The following CSMD2 variants were observed in gnomAD, a reference collection of about 807,000 sequenced individuals.
The protein encoded by CSMD2 is CUB and Sushi multiple domains 2.
A neutral mutation model predicts 398.5 loss-of-function variants in CSMD2; 130 were observed. That is an observed-to-expected ratio of 0.33 (90% CI 0.28 to 0.38). The LOEUF (loss-of-function observed/expected upper bound fraction) is 0.38, where lower values mean the gene tolerates loss of function less well. Ranked by LOEUF, CSMD2 falls within the 10% of genes least tolerant of loss-of-function variation. The probability of loss-of-function intolerance (pLI) is 1.00; values close to 1 mark genes in which losing one functional copy is unlikely to be tolerated. For missense variants in CSMD2, 3,829 were observed against 4,764.9 expected, an observed-to-expected ratio of 0.80 and a Z score of 5.78; for synonymous variants, 1,828 against 1,908.5, an observed-to-expected ratio of 0.96 and a Z score of 1.10.
At chr1:33,622,373 C>A in intron 36 of CSMD2, 102 bp from the exon 37 acceptor site, 1 of 793,348 alleles carries the variant, frequency 1.3e-6, no homozygotes, top group South Asian at 1.5e-5. Context: ...ACATTCTGCT[C>A]CCAAGGCCCC....
chr1:33,580,295 T>G (rs2148723467), intron 48 of CSMD2, among the ~76,000 whole-genome samples: 1 of 152,302 alleles, frequency 6.6e-6, no homozygotes, highest in East Asian at 1.9e-4. Context: ...CCTTATAGAT[T>G]GTTGCCTGGG....
intron 4 of CSMD2, among the ~76,000 whole-genome samples, chr1:33,933,240 G>A (rs562875986): frequency 6.6e-6 from 1 of 152,286 alleles, no homozygotes; most frequent in South Asian, 2.1e-4. Context: ...AACCTAAGTT[G>A]GCAGAGCAGA....
intron 13 of CSMD2, among the ~76,000 whole-genome samples, chr1:33,768,474 C>T (rs1650814653): frequency 6.6e-6 from 1 of 151,872 alleles, no homozygotes; most frequent in African/African-American, 2.4e-5. Context: ...AGTAATGGTC[C>T]ATGGGAGAGA....
intron 1 of CSMD2, among the ~76,000 whole-genome samples, chr1:34,121,948 A>G (rs1374599458): frequency 6.6e-6 from 1 of 151,420 alleles, no homozygotes; most frequent in Non-Finnish European, 1.5e-5. Context: ...TTGGATATAC[A>G]ATAGGGTTAG....
chr1:33,754,568 A>C (rs1216246000), intron 13 of CSMD2, among the ~76,000 whole-genome samples: 1 of 152,242 alleles, frequency 6.6e-6, no homozygotes, highest in African/African-American at 2.4e-5. Context: ...ATAAAGGAAG[A>C]GCATAGGAAA....
intron 46 of CSMD2, among the ~76,000 whole-genome samples, 158 bp downstream of exon 46, chr1:33,586,346 A>C (rs1428326046): frequency 1.3e-5 from 2 of 152,196 alleles, no homozygotes; most frequent in Non-Finnish European, 1.5e-5. Flanking sequence ...CTCATTCCTC[A>C]TGCACTTACT....
chr1:33,645,535 T>C (rs1178562117), intron 29 of CSMD2, among the ~76,000 whole-genome samples: 1 of 152,162 alleles, frequency 6.6e-6, no homozygotes, highest in Non-Finnish European at 1.5e-5. Context: ...AGCTGGGATT[T>C]AGATAATGGG....
Position 33,540,605 on chromosome 1 carries a change from T to C in CSMD2, c.9551A>G (p.Glu3184Gly). ...WGSSVTYACL[E>G]GYQLSLPAVF... ...CGCGGGCAGGGAGAGCTGGTACCCC[T>C]CCAGGCAGGCATAAGTCACACTTGA... The change falls in exon 60 of 71, where the codon GAG becomes GGG. Residue 3184 changes from glutamate to glycine, a missense_variant. Transcript: ENST00000373381. 6.2e-7 allele frequency: 1 copy of C among 1,614,162 alleles called. No individual in the cohort carries two copies. Among genetic ancestry groups the C allele is most frequent in the Non-Finnish European group, 8.5e-7 (1 of 1,180,034 alleles).
intron 48 of CSMD2, 42 bp from the exon 49 acceptor site, chr1:33,577,526 A>AAGAC (rs1638362999): frequency 6.4e-7 from 1 of 1,556,608 alleles, no homozygotes; most frequent in East Asian, 2.3e-5. Context: ...CACCAGCAGG[A>AAGAC]AGACAGACAT....
At chr1:33,664,767 C>T (rs1191810007) in intron 25 of CSMD2, among the ~76,000 whole-genome samples, 1 of 151,820 alleles carries the variant, frequency 6.6e-6, no homozygotes, top group Non-Finnish European at 1.5e-5. Context: ...TGCACCACTG[C>T]ACTCCAGCCT....
intron 3 of CSMD2, among the ~76,000 whole-genome samples, chr1:33,955,987 C>T (rs549174685): frequency 7.9e-5 from 12 of 152,298 alleles, no homozygotes; most frequent in African/African-American, 2.6e-4. Context: ...CACATCAAGG[C>T]TGGGGCCTGT....
chr1:34,022,843 T>G (rs147359098), intron 3 of CSMD2, among the ~76,000 whole-genome samples: 51 of 152,298 alleles, frequency 3.3e-4, no homozygotes, highest in African/African-American at 1.2e-3. Flanking sequence ...GTTTGGTTTG[T>G]TTGTTTGAGA....
intron 14 of CSMD2, among the ~76,000 whole-genome samples, chr1:33,739,880 G>A (rs1647000595): frequency 6.6e-6 from 1 of 152,150 alleles, no homozygotes; most frequent in South Asian, 2.1e-4. Context: ...CTTGCCTATT[G>A]TCAGGGCTGC....
At chr1:33,885,545 A>G (rs1641534550) in intron 5 of CSMD2, 2 of 152,164 alleles carry the variant, frequency 1.3e-5, no homozygotes, top group Admixed American at 1.3e-4. Context: ...CTGGGAAATT[A>G]TAACTAACCC....
intron 46 of CSMD2, among the ~76,000 whole-genome samples, chr1:33,585,596 G>A (rs144281900): frequency 6.6e-6 from 1 of 152,284 alleles, no homozygotes; most frequent in African/African-American, 2.4e-5. Flanking sequence ...TCACTAATCC[G>A]ATGACCAGCA....
rs1015071054 is a variant in CSMD2, at chr1:33,698,870, C to A, written c.3808G>T (p.Ala1270Ser). The A allele has an allele frequency of 8.7e-6, 14 of 1,614,110 alleles. No homozygotes were observed. The highest frequency in any genetic ancestry group is 1.0e-5 in the Non-Finnish European group (12 of 1,180,040). ...GYKVHDEGHFAGSSVSFSCDP... is the reference protein window; with the variant it reads ...GYKVHDEGHFSGSSVSFSCDP... Reference sequence around the variant, plus strand: ...CAGCTGAAGGACACGGAGCTCCCTGCAAAATGACCTTCATCATGAACCTTG... The same window carrying A: ...CAGCTGAAGGACACGGAGCTCCCTGAAAAATGACCTTCATCATGAACCTTG... Residue 1270 changes from alanine to serine, a missense_variant, in exon 24 of 71, where the codon GCA becomes TCA. Around this residue, in one of 5 missense-constraint regions of CSMD2, gnomAD observed 2,001 missense variants for 2,567.1 expected, o/e 0.78. Transcript: ENST00000373381.
At chr1:33,706,778 G>A (rs915347565) in intron 22 of CSMD2, among the ~76,000 whole-genome samples, 1 of 152,008 alleles carries the variant, frequency 6.6e-6, no homozygotes, top group Non-Finnish European at 1.5e-5. Context: ...GTGTGTGTGT[G>A]TGCATGTACG....
At position 33,559,443 on chromosome 1, in the gene CSMD2, A is replaced by G. The variant is rs1658349030; in HGVS notation, c.8411T>C (p.Val2804Ala). 1 of 1,536,086 alleles carries G rather than the reference A, an allele frequency of 6.5e-7. No individual in the cohort carries two copies. The highest frequency in any genetic ancestry group is 1.4e-5 in the African/African-American group (1 of 73,052). Residue 2804 changes from valine to alanine, a missense_variant, in exon 54 of 71, where the codon GTC (valine) becomes GCC (alanine). Around this residue, in one of 5 missense-constraint regions of CSMD2, gnomAD observed 917 missense variants for 1,199.5 expected, o/e 0.76. Coordinates refer to ENST00000373381, the MANE Select transcript of CSMD2 (RefSeq NM_001281956.2). This position sits in a 1 kb window ranked among gnomAD's most constrained non-coding sequence, Gnocchi z 4.0. ...CTGGTTACCCTGAGTGAGGCCGTTG[A>G]CAGGGTTGCCTGGGTGTCCACAGGT... ...PITCGHPGNP[V>A]NGLTQGNQFN...
At chr1:33,863,495 G>A (rs1401635819) in intron 5 of CSMD2, 1 of 152,174 alleles carries the variant, frequency 6.6e-6, no homozygotes, top group Admixed American at 6.5e-5. Flanking sequence ...GAGAAATGAA[G>A]AGTTCCAACT....
Sources: allele counts gnomAD v4.1 joint callset (sites outside exome capture counted in the v4.1 genomes callset), GRCh38; gene constraint gnomAD v4.1.1; regional missense constraint gnomAD v4.1.1; non-coding constraint Gnocchi (gnomAD v3.1); transcripts MANE v1.5; gene names NCBI Gene and HGNC (gene_info 2026-07-23, HGNC 2026-07-21).